Variants in DNM3 observed in about 807,000 individuals in gnomAD.
DNM3 encodes dynamin 3, also known as dynamin-3.
In DNM3, 47 loss-of-function variants were observed where a neutral mutation model predicts 101.6. The observed-to-expected ratio is 0.46, with a 90% CI of 0.37 to 0.59. The LOEUF is 0.59. DNM3 is among the 20% of genes least tolerant of loss of function. The pLI is 0.00. For synonymous variants in DNM3, 385 were observed against 387.9 expected (o/e 0.99, Z 0.09); for missense variants, 849 against 1,085.7 (o/e 0.78, Z 3.06).
chr1:172,327,452 T>A (rs936308103), intron 17 of DNM3, among the ~76,000 whole-genome samples: 1 of 152,200 alleles, frequency 6.6e-6, no homozygotes, highest in Admixed American at 6.5e-5. Context: ...TGGTCGTATG[T>A]GAGAGAAAGT....
At chr1:171,905,107 A>T (rs776500903) in intron 1 of DNM3, among the ~76,000 whole-genome samples, 18 of 152,244 alleles carry the variant, frequency 1.2e-4, no homozygotes, top group Non-Finnish European at 1.8e-4. Flanking sequence ...AAATGAAAAG[A>T]TGTGACATTT....
At chr1:172,237,149 T>C (rs1391969849) in intron 14 of DNM3, among the ~76,000 whole-genome samples, 1 of 152,166 alleles carries the variant, frequency 6.6e-6, no homozygotes. Context: ...TGCATGTTGC[T>C]GAGATATTTT....
chr1:172,051,787 G>A (rs567835725), intron 10 of DNM3, among the ~76,000 whole-genome samples: 229 of 152,286 alleles, frequency 1.5e-3, no homozygotes, highest in African/African-American at 5.1e-3. Context: ...TGGGTGAGCA[G>A]ATGTACATCC....
At chr1:172,008,877 A>G (rs2046891151) in intron 4 of DNM3, among the ~76,000 whole-genome samples, 1 of 139,306 alleles carries the variant, frequency 7.2e-6, no homozygotes, top group Non-Finnish European at 1.5e-5. Context: ...AAATAATATT[A>G]ATATATTATA....
intron 14 of DNM3, chr1:172,138,119 A>T (rs970997461): frequency 3.9e-5 from 6 of 152,158 alleles, no homozygotes; most frequent in African/African-American, 1.4e-4. Context: ...TATGTATACC[A>T]TGACGCGTGG....
intron 14 of DNM3, among the ~76,000 whole-genome samples, chr1:172,190,936 AT>A (rs1222534344): frequency 2.0e-5 from 3 of 152,070 alleles, no homozygotes; most frequent in Admixed American, 6.6e-5. Context: ...AGACAGGTAG[AT>A]TGTAAAAATT....
At chr1:172,133,058 C>T in intron 14 of DNM3, 1 of 1,463,972 alleles carries the variant, frequency 6.8e-7, no homozygotes, top group Non-Finnish European at 9.0e-7. Flanking sequence ...CCTCATCCCA[C>T]AGAGGACTTA....
chr1:172,263,626 C>T (rs2062749930), intron 15 of DNM3, among the ~76,000 whole-genome samples: 1 of 152,160 alleles, frequency 6.6e-6, no homozygotes, highest in Non-Finnish European at 1.5e-5. Context: ...TGCAGGGGAA[C>T]TTCCCTTTAT....
At chr1:172,135,890 A>G (rs1044792196) in intron 14 of DNM3, among the ~76,000 whole-genome samples, 3 of 152,222 alleles carry the variant, frequency 2.0e-5, no homozygotes, top group Non-Finnish European at 4.4e-5. Flanking sequence ...AAATACATAA[A>G]TATGTAAATT....
At chr1:172,047,883 A>G (rs2049930412) in intron 9 of DNM3, among the ~76,000 whole-genome samples, 1 of 152,188 alleles carries the variant, frequency 6.6e-6, no homozygotes, top group Admixed American at 6.5e-5. Context: ...GCCAGCCTTC[A>G]GTCATGGCCA....
At chr1:171,912,207 C>T (rs1348448328) in intron 1 of DNM3, among the ~76,000 whole-genome samples, 1 of 151,878 alleles carries the variant, frequency 6.6e-6, no homozygotes, top group Admixed American at 6.6e-5. Context: ...ATATTGCCCC[C>T]AACAGGGCAA....
At chr1:172,178,131 G>A (rs555693839) in intron 14 of DNM3, among the ~76,000 whole-genome samples, 2 of 151,936 alleles carry the variant, frequency 1.3e-5, no homozygotes, top group African/African-American at 2.4e-5. Flanking sequence ...CTAAGTATTA[G>A]TGTATCTAAA....
chr1:172,346,002 A>G (rs889276007), intron 17 of DNM3, among the ~76,000 whole-genome samples: 2 of 151,882 alleles, frequency 1.3e-5, no homozygotes, highest in South Asian at 4.2e-4. Flanking sequence ...GCGTGGTTGT[A>G]GTCCCAGTTA....
intron 17 of DNM3, among the ~76,000 whole-genome samples, chr1:172,335,345 A>G (rs1453427067): frequency 6.6e-6 from 1 of 152,238 alleles, no homozygotes; most frequent in East Asian, 1.9e-4. Flanking sequence ...AATCAATGAT[A>G]GAAGCCAAGT....
In DNM3 at chr1:172,071,942, A is replaced by G. The variant is rs191076744; in HGVS notation, c.1422+3037A>G. ...CCACATGCGACCTGGCTCTTTTCCT[A>G]GAGTGAACACAGACTCCCAGTTTCC... On this transcript the variant is annotated intron_variant, in intron 11 of 20. Transcript: ENST00000627582. 5.3e-5 allele frequency among the ~76,000 whole-genome samples: 8 copies of G among 152,328 alleles called. No homozygotes were observed. In the East Asian group the frequency reaches 1.3e-3, roughly 26 times the overall value.
chr1:171,885,586 C>T (rs909369282), intron 1 of DNM3, among the ~76,000 whole-genome samples: 1 of 151,980 alleles, frequency 6.6e-6, no homozygotes, highest in Non-Finnish European at 1.5e-5. Flanking sequence ...TTTTAGAGGG[C>T]CTTGCTGTTT....
intron 5 of DNM3, 27 bp from the exon 6 acceptor site, chr1:172,033,078 A>G: frequency 6.2e-7 from 1 of 1,605,748 alleles, no homozygotes; most frequent in Non-Finnish European, 8.5e-7. Flanking sequence ...AGTGTCCCCA[A>G]CTCCATAGAT....
intron 4 of DNM3, among the ~76,000 whole-genome samples, chr1:172,027,124 AC>A (rs2048260841): frequency 6.6e-6 from 1 of 152,344 alleles, no homozygotes; most frequent in East Asian, 1.9e-4. Flanking sequence ...AACAACTGAT[AC>A]CAGCCACTGC....
At chr1:172,112,542 C>T (rs1200299330) in intron 13 of DNM3, among the ~76,000 whole-genome samples, 2 of 152,160 alleles carry the variant, frequency 1.3e-5, no homozygotes, top group South Asian at 4.1e-4. Context: ...TGGCCCTGAA[C>T]CTCTTCAGTC....
Sources: allele counts gnomAD v4.1 joint callset (sites outside exome capture counted in the v4.1 genomes callset), GRCh38; gene constraint gnomAD v4.1.1; transcripts MANE v1.5; gene names NCBI Gene and HGNC (gene_info 2026-07-23, HGNC 2026-07-21).